Variants in MAP3K9 observed in about 807,000 individuals in gnomAD.
MAP3K9 encodes mitogen-activated protein kinase kinase kinase 9, also known as mixed lineage kinase 1 (tyr and ser/thr specificity).
Under a neutral mutation model 95.8 loss-of-function variants are expected in MAP3K9, and 46 were observed. That is an observed-to-expected ratio of 0.48 (90% CI 0.38 to 0.61). The LOEUF (loss-of-function observed/expected upper bound fraction) is 0.61, where lower values mean the gene tolerates loss of function less well. MAP3K9 is among the 20% of genes least tolerant of loss of function. The probability of loss-of-function intolerance (pLI) is 0.00; values close to 1 mark genes in which losing one functional copy is unlikely to be tolerated. For missense variants in MAP3K9, 1,296 were observed against 1,474.3 expected (o/e 0.88, Z 1.98); for synonymous variants, 533 against 593.8 (o/e 0.90, Z 1.49).
rs557122539 is a variant in MAP3K9 at position 70,741,968 on chromosome 14, C to A, written c.1567+383G>T. 6.5e-4 allele frequency among the ~76,000 whole-genome samples: 99 copies of A among 152,272 alleles called. No homozygotes were observed. In the South Asian group the frequency reaches 0.011, roughly 18 times the overall value. ...GTCTCAAAAAAAAGAAACCTTGAGACAAGTTATTTTGCAGAGCCAAAACTT... is the reference window on the plus strand; with the variant it reads ...GTCTCAAAAAAAAGAAACCTTGAGAAAAGTTATTTTGCAGAGCCAAAACTT... On this transcript the variant is annotated intron_variant, in intron 6 of 11. Transcript: ENST00000554752.
intron 2 of MAP3K9, among the ~76,000 whole-genome samples, chr14:70,799,540 C>T (rs537994728): frequency 3.9e-5 from 6 of 152,104 alleles, no homozygotes; most frequent in African/African-American, 9.6e-5. Context: ...GGGGTTTCAC[C>T]GTGTTAGCCA....
intron 2 of MAP3K9, among the ~76,000 whole-genome samples, chr14:70,783,925 T>A (rs1485727572): frequency 1.3e-5 from 2 of 152,244 alleles, no homozygotes; most frequent in Admixed American, 1.3e-4. Context: ...TAAAATTTTT[T>A]AAATTCCATA....
chr14:70,779,444 T>C (rs926949374), intron 2 of MAP3K9, among the ~76,000 whole-genome samples: 6 of 152,156 alleles, frequency 3.9e-5, no homozygotes, highest in African/African-American at 1.2e-4. Flanking sequence ...GACAGAGTAA[T>C]TAATTTCACA....
chr14:70,808,905 G>A lies in MAP3K9; in HGVS notation c.267C>T (p.Ser89=). ...GCCCGGTCCACCAGCCCTCGTCGCC[G>A]GACACCTGCGAGTCCTTGGACAGCA... ...VEVLSKDSQV[S]GDEGWWTGQL... Residue 89 remains serine, a synonymous_variant, in exon 1 of 12, where the codon TCC becomes TCT. Transcript: ENST00000554752. The A allele has an allele frequency of 6.3e-7, 1 of 1,595,136 alleles. No individual in the cohort carries two copies.
chr14:70,734,593 G>A (rs981173327), intron 9 of MAP3K9, 95 bp from the exon 10 acceptor site: 1 of 713,730 alleles, frequency 1.4e-6, no homozygotes, highest in African/African-American at 1.8e-5. Flanking sequence ...CTCCCTGCCT[G>A]CTTCATTCTA....
chr14:70,784,470 C>G (rs1594804387), intron 2 of MAP3K9, among the ~76,000 whole-genome samples: 1 of 152,150 alleles, frequency 6.6e-6, no homozygotes, highest in Non-Finnish European at 1.5e-5. Flanking sequence ...AAGCCGGGCA[C>G]AGTGGCTCAT....
chr14:70,794,623 CT>C (rs1207648642), intron 2 of MAP3K9, among the ~76,000 whole-genome samples: 1 of 152,048 alleles, frequency 6.6e-6, no homozygotes, highest in Non-Finnish European at 1.5e-5. Flanking sequence ...CACAGAAAAA[CT>C]GGAAAAACAC....
Position 70,740,029 on chromosome 14 carries a change from G to A in MAP3K9, c.1690+13C>T. ...TGTGTTCTGGCCCCAGCTAATTTGG[G>A]AAACAGTCTCACACTGGATGGCTCG... On this transcript the variant is annotated intron_variant, in intron 7 of 11. Transcript: ENST00000554752. 2 of 1,614,200 alleles carry A rather than the reference G, an allele frequency of 1.2e-6. No individual in the cohort carries two copies. Among genetic ancestry groups the A allele is most frequent in the Non-Finnish European group, 1.7e-6 (2 of 1,180,034 alleles).
chr14:70,789,830 A>G (rs370316792), intron 2 of MAP3K9, among the ~76,000 whole-genome samples: 1 of 152,206 alleles, frequency 6.6e-6, no homozygotes, highest in African/African-American at 2.4e-5. Context: ...TCACTCTTAC[A>G]GTATAGTGGA....
Position 70,748,901 on chromosome 14 carries a change from G to A in MAP3K9, c.1254C>T (p.Ser418=). The change falls in exon 5 of 12, where the codon TCC becomes TCT. Residue 418 remains serine (S), a synonymous_variant. Transcript: ENST00000554752. ...TCCAGTTGTCCTGCAGGCAGTGGAAGGAGTCCTTGGGCATTTCAAAGAAAC... is the reference window on the plus strand; with the variant it reads ...TCCAGTTGTCCTGCAGGCAGTGGAAAGAGTCCTTGGGCATTTCAAAGAAAC... The part of the protein sequence containing the change: ...ESGFFEMPKD[S]FHCLQDNWKH... 3 of 1,614,128 alleles carry A rather than the reference G, an allele frequency of 1.9e-6. No homozygotes were observed. The highest frequency in any genetic ancestry group is 1.7e-6 in the Non-Finnish European group (2 of 1,180,010).
At chr14:70,777,751 C>T (rs1486514484) in intron 2 of MAP3K9, among the ~76,000 whole-genome samples, 1 of 152,188 alleles carries the variant, frequency 6.6e-6, no homozygotes, top group Non-Finnish European at 1.5e-5. Flanking sequence ...CTGACTAATG[C>T]AGTGTCCACC....
Position 70,730,195 on chromosome 14 carries a change from A to T in MAP3K9, c.*185T>A. ...GCCCCTCCAGTGGACACGGGTAGAA[A>T]GGCCCTGCAGGGCAGGAGACCCTCT... On this transcript the variant is annotated 3_prime_UTR_variant, in exon 12 of 12. Transcript: ENST00000554752. The T allele has an allele frequency of 1.2e-6, 1 of 822,846 alleles. No individual in the cohort carries two copies. The highest frequency in any genetic ancestry group is 2.7e-5 in the East Asian group (1 of 36,546). 51.0% of individuals were successfully genotyped at this position (822,846 alleles called of 1,614,324 possible).
chr14:70,803,481 C>A (rs1210541557), intron 1 of MAP3K9, among the ~76,000 whole-genome samples: 1 of 151,226 alleles, frequency 6.6e-6, no homozygotes, highest in African/African-American at 2.4e-5. Flanking sequence ...AAAAGAGGAA[C>A]TGCCACTGCT....
chr14:70,796,268 T>C (rs1338699913), intron 2 of MAP3K9, among the ~76,000 whole-genome samples: 2 of 152,262 alleles, frequency 1.3e-5, no homozygotes, highest in African/African-American at 2.4e-5. Context: ...TCCATTTTTA[T>C]AGCCAGAGGC....
chr14:70,731,251 G>C (rs536577317), intron 11 of MAP3K9, among the ~76,000 whole-genome samples: 2 of 152,040 alleles, frequency 1.3e-5, no homozygotes, highest in African/African-American at 4.8e-5. Context: ...TTCAAGAACA[G>C]CTTGGGCAAC....
At chr14:70,766,445 G>A (rs1374405791) in intron 2 of MAP3K9, among the ~76,000 whole-genome samples, 2 of 152,148 alleles carry the variant, frequency 1.3e-5, no homozygotes, top group Non-Finnish European at 2.9e-5. Context: ...CAGCGCTCAA[G>A]GGACTGATAT....
In MAP3K9 at chr14:70,742,454, G is replaced by T; in HGVS notation, c.1464C>A (p.Ile488=). The T allele has an allele frequency of 6.2e-7, 1 of 1,614,216 alleles. No individual in the cohort carries two copies. The highest frequency in any genetic ancestry group is 8.5e-7 in the Non-Finnish European group (1 of 1,180,034). Residue 488 remains isoleucine, a synonymous_variant, in exon 6 of 12, where the codon ATC becomes ATA. Coordinates refer to ENST00000554752, the MANE Select transcript of MAP3K9 (RefSeq NM_001284230.2). Reference sequence around the variant, plus strand: ...GGGGCTTCTCCTGGCACAGCTGGTGGATGATGATGTTGAGCTCCCGTTCCA... The same window carrying T: ...GGGGCTTCTCCTGGCACAGCTGGTGTATGATGATGTTGAGCTCCCGTTCCA... ...DILERELNII[I]HQLCQEKPRV...
At chr14:70,773,183 T>C (rs2054553574) in intron 2 of MAP3K9, among the ~76,000 whole-genome samples, 2 of 152,234 alleles carry the variant, frequency 1.3e-5, no homozygotes, top group Non-Finnish European at 2.9e-5. Context: ...CAGAAAGCAG[T>C]AGGTCATTGC....
chr14:70,768,132 T>G (rs1187681975), intron 2 of MAP3K9, among the ~76,000 whole-genome samples: 2 of 152,102 alleles, frequency 1.3e-5, no homozygotes, highest in Non-Finnish European at 2.9e-5. Flanking sequence ...AATTGTACAT[T>G]TAAAAATAAC....
Sources: gnomAD v4.1 joint callset for allele counts (sites outside exome capture counted in the v4.1 genomes callset) on GRCh38, gnomAD v4.1.1 for gene constraint, MANE v1.5 for transcripts, NCBI Gene and HGNC (gene_info 2026-07-23, HGNC 2026-07-21) for gene names.